The following CLIC5 variants were observed in gnomAD, a reference collection of about 807,000 sequenced individuals.
CLIC5 encodes the protein chloride intracellular channel protein 5.
Under a neutral mutation model 24.7 loss-of-function variants are expected in CLIC5, and 20 were observed. That is an observed-to-expected ratio of 0.81 (90% CI 0.57 to 1.18). The LOEUF (loss-of-function observed/expected upper bound fraction) is 1.18. Ranked by LOEUF, CLIC5 falls within the 50% of genes most tolerant of loss-of-function variation. The pLI is 0.00. For synonymous variants in CLIC5, 159 were observed against 135.6 expected (o/e 1.17, Z -1.20); for missense variants, 341 against 326.1 (o/e 1.05, Z -0.35).
At chr6:46,007,928 T>TTTTC (rs1766648247) in intron 1 of CLIC5, among the ~76,000 whole-genome samples, 1 of 149,038 alleles carries the variant, frequency 6.7e-6, no homozygotes, top group South Asian at 2.1e-4. Flanking sequence ...TTTTTTTTTT[T>TTTTC]CCCGATTTTC....
upstream of CLIC5, among the ~76,000 whole-genome samples, chr6:46,081,747 A>T (rs565860713): frequency 3.3e-5 from 5 of 152,356 alleles, no homozygotes; most frequent in South Asian, 1.0e-3. Context: ...AAAAAATTTA[A>T]ACCTAGAAAG....
intron 1 of CLIC5, among the ~76,000 whole-genome samples, chr6:46,009,165 G>A (rs1372744812): frequency 6.6e-6 from 1 of 151,686 alleles, no homozygotes; most frequent in East Asian, 2.0e-4. Flanking sequence ...GGCATGGGAA[G>A]AGTCTTTGAA....
intron 1 of CLIC5, among the ~76,000 whole-genome samples, chr6:46,030,714 C>T (rs1259978165): frequency 6.6e-6 from 1 of 152,180 alleles, no homozygotes; most frequent in African/African-American, 2.4e-5. Flanking sequence ...TTCCAAACCT[C>T]CATGCCTTTG....
chr6:46,103,784 C>T, the CLIC5 span, among the ~76,000 whole-genome samples: 1 of 152,094 alleles, frequency 6.6e-6, no homozygotes, highest in Non-Finnish European at 1.5e-5. Flanking sequence ...GGGAGGTTTT[C>T]CTTTGGCTCC....
At chr6:46,038,479 C>G (rs553701052) in intron 1 of CLIC5, among the ~76,000 whole-genome samples, 214 of 152,276 alleles carry the variant, frequency 1.4e-3, no homozygotes, top group Non-Finnish European at 1.5e-3. Flanking sequence ...CCAGCTTACA[C>G]CATTCTTCAC....
At chr6:46,054,648 GA>G (rs1179111020) in intron 1 of CLIC5, among the ~76,000 whole-genome samples, 1 of 152,162 alleles carries the variant, frequency 6.6e-6, no homozygotes, top group Non-Finnish European at 1.5e-5. Context: ...GGCCTCTAAG[GA>G]AGTAATTAAG....
chr6:46,042,239 A>G (rs1275951434), intron 1 of CLIC5, among the ~76,000 whole-genome samples: 1 of 152,218 alleles, frequency 6.6e-6, no homozygotes. Flanking sequence ...ACAGTTTCTT[A>G]ACTATTTCAA....
At chr6:46,012,929 T>C (rs1338475) in intron 1 of CLIC5, among the ~76,000 whole-genome samples, 8,739 of 152,342 alleles carry the variant, frequency 0.057, 324 homozygotes, top group African/African-American at 0.12. Flanking sequence ...AGATAAGGTA[T>C]TTGAACATAC....
At chr6:46,036,222 A>G (rs1435473624) in intron 1 of CLIC5, among the ~76,000 whole-genome samples, 1 of 145,538 alleles carries the variant, frequency 6.9e-6, no homozygotes, top group Non-Finnish European at 1.5e-5. Flanking sequence ...TATTTATTTT[A>G]CCCCTTTTGT....
intron 1 of CLIC5, among the ~76,000 whole-genome samples, chr6:46,067,606 T>C (rs1484391664): frequency 1.3e-5 from 2 of 152,178 alleles, no homozygotes; most frequent in Admixed American, 6.5e-5. Context: ...TAACCCCAGT[T>C]GCTGTGCAAA....
chr6:46,088,190 T>C, the CLIC5 span, among the ~76,000 whole-genome samples: 1 of 151,884 alleles, frequency 6.6e-6, no homozygotes, highest in African/African-American at 2.4e-5. Flanking sequence ...TGTGTGTGTG[T>C]GTGTGACACT....
chr6:46,039,116 A>G (rs987550609), intron 1 of CLIC5, among the ~76,000 whole-genome samples: 2 of 152,228 alleles, frequency 1.3e-5, no homozygotes, highest in African/African-American at 4.8e-5. Context: ...TATTCTGAAG[A>G]TAACAAAACT....
rs138846507 is a variant in CLIC5 at position 46,044,185 on chromosome 6, A to G, written c.540+35518T>C. 4.1e-3 allele frequency among the ~76,000 whole-genome samples: 617 copies of G among 152,330 alleles called. 6 individuals are homozygous for G. The highest frequency in any genetic ancestry group is 0.011 in the African/African-American group (438 of 41,590). ...AAAGGTTCTTTCCTTGGAAGATGCC[A>G]TCTGTTGTGGCTTGAAGTTTTACAA... On this transcript the variant is annotated intron_variant, in intron 1 of 5. Coordinates refer to the CLIC5 transcript ENST00000185206.
At chr6:45,906,005 A>C (rs1183005685) in intron 5 of CLIC5, among the ~76,000 whole-genome samples, 1 of 152,190 alleles carries the variant, frequency 6.6e-6, no homozygotes, top group Non-Finnish European at 1.5e-5. Flanking sequence ...AATTTTGTGG[A>C]AGATCAGATG....
At chr6:46,071,364 A>T (rs1471774366) in intron 1 of CLIC5, among the ~76,000 whole-genome samples, 3 of 152,028 alleles carry the variant, frequency 2.0e-5, no homozygotes, top group Non-Finnish European at 4.4e-5. Context: ...AGGAACTTAA[A>T]TTTTTTTTCA....
chr6:46,096,285 G>A, the CLIC5 span, among the ~76,000 whole-genome samples: 2 of 152,176 alleles, frequency 1.3e-5, no homozygotes, highest in East Asian at 3.8e-4. Flanking sequence ...TTTGACATGA[G>A]ATCCAGGCCA....
chr6:46,061,408 G>A (rs954498202), intron 1 of CLIC5, among the ~76,000 whole-genome samples: 19 of 152,200 alleles, frequency 1.2e-4, no homozygotes, highest in Non-Finnish European at 1.0e-4. Flanking sequence ...GGCCAGGATG[G>A]TCTCGATCTC....
At chr6:45,884,788 A>G (rs953339965) in intron 6 of CLIC5, among the ~76,000 whole-genome samples, 2 of 152,076 alleles carry the variant, frequency 1.3e-5, no homozygotes, top group Admixed American at 6.5e-5. Context: ...GTGGCCTCCC[A>G]TGTGGGGAAC....
At chr6:46,083,052 T>C (rs1018748423), upstream of CLIC5, among the ~76,000 whole-genome samples, 11 of 152,366 alleles carry the variant, frequency 7.2e-5, no homozygotes, top group East Asian at 5.8e-4. Context: ...TTATCCTTCA[T>C]TGGGTACTTA....
Sources: allele counts gnomAD v4.1 joint callset (sites outside exome capture counted in the v4.1 genomes callset), GRCh38; gene constraint gnomAD v4.1.1; transcripts MANE v1.5; gene names NCBI Gene and HGNC (gene_info 2026-07-23, HGNC 2026-07-21).